NUDCD3: variants seen among roughly 807,000 people sequenced by gnomAD.
NUDCD3 encodes the protein NudC domain containing 3, also known as nudC domain-containing protein 3.
Under a neutral mutation model 39.7 loss-of-function variants are expected in NUDCD3, and 13 were observed. That is an observed-to-expected ratio of 0.33 (90% CI 0.21 to 0.52). The LOEUF (loss-of-function observed/expected upper bound fraction) is 0.52. Among genes scored for constraint, NUDCD3 ranks in the 20% least tolerant of loss-of-function variants. NUDCD3 has a pLI of 0.96. For synonymous variants in NUDCD3, 175 were observed against 172.4 expected (o/e 1.02, Z -0.12); for missense variants, 453 against 458.1 (o/e 0.99, Z 0.10).
At chr7:44,405,412 C>T (rs1161329903) in intron 3 of NUDCD3, among the ~76,000 whole-genome samples, 1 of 152,200 alleles carries the variant, frequency 6.6e-6, no homozygotes, top group Non-Finnish European at 1.5e-5. Flanking sequence ...TTCCAGCCAG[C>T]AGTCTCCAAA....
At chr7:44,478,639 G>A (rs1800429981) in intron 2 of NUDCD3, among the ~76,000 whole-genome samples, 1 of 152,192 alleles carries the variant, frequency 6.6e-6, no homozygotes, top group Admixed American at 6.5e-5. Context: ...CAACAGTAGG[G>A]CAGAAACAAG....
intron 3 of NUDCD3, among the ~76,000 whole-genome samples, chr7:44,424,523 A>G (rs1799198268): frequency 6.6e-6 from 1 of 152,258 alleles, no homozygotes; most frequent in Non-Finnish European, 1.5e-5. Flanking sequence ...TATGTGGCCA[A>G]CAAACATGGA....
intron 3 of NUDCD3, chr7:44,413,308 A>G (rs1798965043): frequency 6.6e-6 from 1 of 152,096 alleles, no homozygotes; most frequent in Non-Finnish European, 1.5e-5. Flanking sequence ...TTTTTAATTA[A>G]TTGGGCATGG....
At chr7:44,438,983 C>T (rs17711577) in intron 2 of NUDCD3, among the ~76,000 whole-genome samples, 19,566 of 152,126 alleles carry the variant, frequency 0.13, 1,671 homozygotes, top group Non-Finnish European at 0.19. Flanking sequence ...TGCTACACCT[C>T]GGTGAAGAGG....
chr7:44,401,461 T>C (rs1585054884), intron 4 of NUDCD3, among the ~76,000 whole-genome samples: 1 of 152,140 alleles, frequency 6.6e-6, no homozygotes, highest in South Asian at 2.1e-4. Context: ...CAGAAAGAGG[T>C]GGAGGCAGGC....
At chr7:44,403,811 A>G (rs180796926) in intron 4 of NUDCD3, among the ~76,000 whole-genome samples, 1 of 152,326 alleles carries the variant, frequency 6.6e-6, no homozygotes, top group Admixed American at 6.5e-5. Flanking sequence ...ACACCCCAGT[A>G]GGAGAAAAAA....
chr7:44,489,623 A>C (rs1231262301), intron 1 of NUDCD3, among the ~76,000 whole-genome samples: 1 of 152,170 alleles, frequency 6.6e-6, no homozygotes, highest in Non-Finnish European at 1.5e-5. Flanking sequence ...TAAAAACTTC[A>C]CTTCTCAACC....
At chr7:44,477,454 C>T (rs1800395879) in intron 2 of NUDCD3, among the ~76,000 whole-genome samples, 1 of 152,238 alleles carries the variant, frequency 6.6e-6, no homozygotes. Context: ...ACTGACACAG[C>T]CTTTCAGAGA....
intron 2 of NUDCD3, among the ~76,000 whole-genome samples, chr7:44,478,477 T>C (rs1267875741): frequency 1.1e-4 from 16 of 152,136 alleles, no homozygotes; most frequent in Admixed American, 9.8e-4. Context: ...CGCTTGAACC[T>C]GGGAGGTGGA....
intron 2 of NUDCD3, among the ~76,000 whole-genome samples, chr7:44,451,541 T>A (rs568517840): frequency 3.2e-4 from 49 of 152,360 alleles, no homozygotes; most frequent in South Asian, 2.5e-3. Flanking sequence ...TTAATGTACA[T>A]ACTATATGAT....
At chr7:44,460,573 T>A (rs746887514) in intron 2 of NUDCD3, among the ~76,000 whole-genome samples, 16 of 151,756 alleles carry the variant, frequency 1.1e-4, no homozygotes, top group Non-Finnish European at 2.2e-4. Context: ...AAAACTAGAC[T>A]AACCAAGAAA....
intron 2 of NUDCD3, among the ~76,000 whole-genome samples, chr7:44,478,844 G>T (rs954970650): frequency 1.3e-5 from 2 of 152,192 alleles, no homozygotes; most frequent in Non-Finnish European, 2.9e-5. Context: ...AGGTTGCCAG[G>T]ATCTGGGAGT....
At chr7:44,413,927 C>T (rs536313345) in intron 3 of NUDCD3, among the ~76,000 whole-genome samples, 19 of 151,706 alleles carry the variant, frequency 1.3e-4, no homozygotes, top group Non-Finnish European at 2.1e-4. Context: ...TGGTGGTGCA[C>T]GCTTGTAGTC....
At chr7:44,394,053 A>G (rs1306003593) in intron 4 of NUDCD3, among the ~76,000 whole-genome samples, 2 of 152,232 alleles carry the variant, frequency 1.3e-5, no homozygotes, top group Non-Finnish European at 2.9e-5. Flanking sequence ...CCCAGGGATC[A>G]AGTCCGAGAA....
At chr7:44,405,778 G>A (rs1344519030) in intron 3 of NUDCD3, among the ~76,000 whole-genome samples, 2 of 152,134 alleles carry the variant, frequency 1.3e-5, no homozygotes, top group Non-Finnish European at 2.9e-5. Flanking sequence ...ATGATGTGCA[G>A]GAGTCACCGC....
At chr7:44,398,213 CACTG>C (rs970651373) in intron 4 of NUDCD3, among the ~76,000 whole-genome samples, 3 of 152,210 alleles carry the variant, frequency 2.0e-5, no homozygotes, top group Admixed American at 2.0e-4. Flanking sequence ...AGTCCCTCCA[CACTG>C]ACTGATGGCT....
At position 44,405,305 on chromosome 7, in the gene NUDCD3, C is replaced by T. The variant is rs144178190; in HGVS notation, c.643-722G>A. Among the ~76,000 whole-genome samples, 353 of 152,340 alleles carry T rather than the reference C, an allele frequency of 2.3e-3. 1 individual carries two copies. Among genetic ancestry groups the T allele is most frequent in the African/African-American group, 7.9e-3 (327 of 41,578 alleles). ...AGACTGGCCCCATGGCCTTCCCCAC[C>T]GCCCTAGGAACACCTATCCCTGCCC... On this transcript the variant is annotated intron_variant, in intron 3 of 5. Transcript: ENST00000355451.
chr7:44,460,646 T>C (rs967977192), intron 2 of NUDCD3, among the ~76,000 whole-genome samples: 2 of 152,160 alleles, frequency 1.3e-5, no homozygotes, highest in Non-Finnish European at 2.9e-5. Context: ...AACCTATTTA[T>C]GTCACTATTT....
At chr7:44,478,694 A>G (rs565106849) in intron 2 of NUDCD3, among the ~76,000 whole-genome samples, 4 of 152,352 alleles carry the variant, frequency 2.6e-5, no homozygotes, top group Admixed American at 2.6e-4. Context: ...GGGAGATGCT[A>G]AAATCAGAGT....
Sources: gnomAD v4.1 joint callset for allele counts (sites outside exome capture counted in the v4.1 genomes callset) on GRCh38, gnomAD v4.1.1 for gene constraint, MANE v1.5 for transcripts, NCBI Gene and HGNC (gene_info 2026-07-23, HGNC 2026-07-21) for gene names.